Variants in FAM76A observed in about 807,000 individuals in gnomAD.
The protein encoded by FAM76A is family with sequence similarity 76 member A.
In FAM76A, 32 loss-of-function variants were observed where a neutral mutation model predicts 46.2. That is an observed-to-expected ratio of 0.69 (90% CI 0.52 to 0.93). The LOEUF (loss-of-function observed/expected upper bound fraction) is 0.93. Among genes scored for constraint, FAM76A ranks in the 40% least tolerant of loss-of-function variants. The pLI, the probability that FAM76A is intolerant of heterozygous loss-of-function variation, is 0.00. For missense variants in FAM76A, 274 were observed against 361.5 expected (o/e 0.76, Z 1.96); for synonymous variants, 137 against 127.0 (o/e 1.08, Z -0.53).
chr1:27,727,412 T>C, intron 1 of FAM76A, 60 bp from the exon 2 acceptor site: 1 of 1,441,316 alleles, frequency 6.9e-7, no homozygotes, highest in Non-Finnish European at 9.8e-7. Context: ...GTCGGCTTCC[T>C]ACTGAAGGCT....
chr1:27,749,463 G>A (rs11801094), intron 6 of FAM76A, among the ~76,000 whole-genome samples: 18,643 of 152,122 alleles, frequency 0.12, 2,797 homozygotes, highest in African/African-American at 0.35. Flanking sequence ...TGTCTCCTGG[G>A]TTCGAGCAAT....
At chr1:27,745,175 G>C (rs115708588) in intron 5 of FAM76A, among the ~76,000 whole-genome samples, 2,033 of 152,018 alleles carry the variant, frequency 0.013, 61 homozygotes, top group African/African-American at 0.047. Context: ...AGATGTCCTA[G>C]GTTTGTCCTG....
intron 7 of FAM76A, among the ~76,000 whole-genome samples, chr1:27,757,493 G>A (rs1295194621): frequency 1.3e-5 from 2 of 152,122 alleles, no homozygotes; most frequent in South Asian, 2.1e-4. Context: ...TCAGCCTCCC[G>A]AGTAGCTCGG....
rs1241895548 is a variant in FAM76A at position 27,755,268 on chromosome 1, G to A, written c.673G>A (p.Val225Met). 3 of 1,614,104 alleles carry A rather than the reference G, an allele frequency of 1.9e-6. No homozygotes were observed. The highest frequency in any genetic ancestry group is 2.5e-6 in the Non-Finnish European group (3 of 1,180,042). Residue 225 changes from valine (V) to methionine (M), a missense_variant, in exon 7 of 9, where the codon GTG becomes ATG. Transcript: ENST00000373954. ...CATCATTGCCCAACTGAAGGAAGAAGTGGCTACCCTGAAGAAGATGTTGCA... is the reference window on the plus strand; with the variant it reads ...CATCATTGCCCAACTGAAGGAAGAAATGGCTACCCTGAAGAAGATGTTGCA... The part of the protein sequence containing the change: ...FVIIAQLKEE[V>M]ATLKKMLHQK...
At chr1:27,727,984 AT>A (rs2087890164) in intron 2 of FAM76A, among the ~76,000 whole-genome samples, 1 of 151,256 alleles carries the variant, frequency 6.6e-6, no homozygotes, top group Non-Finnish European at 1.5e-5. Context: ...GTTTTTTTGT[AT>A]TTTTAGTAGA....
At position 27,732,633 on chromosome 1, in the gene FAM76A, T is replaced by C. The variant is rs776877860; in HGVS notation, c.177T>C (p.Ala59=). 1.2e-6 allele frequency: 2 copies of C among 1,609,744 alleles called. No homozygotes were observed. Among genetic ancestry groups the C allele is most frequent in the East Asian group, 2.2e-5 (1 of 44,840 alleles). The change falls in exon 3 of 9, where the codon GCT becomes GCC. Residue 59 remains alanine (A), a synonymous_variant. Coordinates refer to ENST00000373954, the MANE Select transcript of FAM76A (RefSeq NM_152660.3). ...SKTNTICKKC[A]QNVQLYGTPK... is the part of the protein sequence containing the mutation. ...CCAATACAATATGCAAGAAATGTGC[T>C]CAGAACGTGCAGTTGTATGGAACGG...
At chr1:27,755,081 G>C in intron 6 of FAM76A, 114 bp from the exon 7 acceptor site, 1 of 1,172,960 alleles carries the variant, frequency 8.5e-7, no homozygotes, top group South Asian at 1.4e-5. Flanking sequence ...TGTGCTTGAT[G>C]CTAGGATTCC....
intron 4 of FAM76A, among the ~76,000 whole-genome samples, chr1:27,742,883 A>T (rs1021733719): frequency 4.6e-5 from 7 of 151,722 alleles, no homozygotes; most frequent in African/African-American, 1.7e-4. Flanking sequence ...TCGTGGTGAA[A>T]CTCCGTCTCT....
intron 1 of FAM76A, 85 bp downstream of exon 1, chr1:27,726,246 G>A (rs2087856552): frequency 1.7e-6 from 2 of 1,153,966 alleles, no homozygotes; most frequent in Admixed American, 4.3e-5. Flanking sequence ...CGCCCGGCGG[G>A]GTCCCCGGAG....
At chr1:27,733,162 A>G (rs2087987927) in intron 3 of FAM76A, among the ~76,000 whole-genome samples, 1 of 151,922 alleles carries the variant, frequency 6.6e-6, no homozygotes, top group African/African-American at 2.4e-5. Flanking sequence ...GGACTCCTGA[A>G]CTCAAGTGAT....
chr1:27,733,382 A>T (rs549034979), intron 3 of FAM76A, among the ~76,000 whole-genome samples: 62 of 152,334 alleles, frequency 4.1e-4, no homozygotes, highest in African/African-American at 1.4e-3. Context: ...ATAATAGCAA[A>T]GAGGCCTTTT....
chr1:27,750,853 G>T (rs2088319328), intron 6 of FAM76A, among the ~76,000 whole-genome samples: 1 of 152,164 alleles, frequency 6.6e-6, no homozygotes, highest in Non-Finnish European at 1.5e-5. Context: ...GTCTTTCATG[G>T]TGTCCTCCAG....
intron 5 of FAM76A, among the ~76,000 whole-genome samples, chr1:27,746,588 G>A (rs1262995766): frequency 2.0e-5 from 3 of 151,804 alleles, no homozygotes; most frequent in African/African-American, 7.3e-5. Context: ...GTGGCCAGGT[G>A]TGGTGTTGCA....
At chr1:27,740,380 G>A (rs2088131052) in intron 4 of FAM76A, 1 of 1,259,166 alleles carries the variant, frequency 7.9e-7, no homozygotes, top group African/African-American at 1.5e-5. Flanking sequence ...GTGGAACCTG[G>A]GTTTGGAAGG....
intron 8 of FAM76A, chr1:27,759,886 C>T (rs2148589580): frequency 1.8e-6 from 1 of 542,982 alleles, no homozygotes; most frequent in African/African-American, 1.9e-5. Flanking sequence ...TCCCACCTCA[C>T]CCTTCCAAGT....
chr1:27,748,117 G>T (rs890878718), intron 5 of FAM76A, among the ~76,000 whole-genome samples: 6 of 142,504 alleles, frequency 4.2e-5, no homozygotes, highest in Admixed American at 4.2e-4. Flanking sequence ...AAATGTAAAA[G>T]AAGTTTTTTT....
chr1:27,758,946 G>A (rs2088460346), intron 7 of FAM76A, among the ~76,000 whole-genome samples: 1 of 152,014 alleles, frequency 6.6e-6, no homozygotes, highest in Non-Finnish European at 1.5e-5. Context: ...AATAATCTCT[G>A]TTATCTCACA....
At chr1:27,742,599 G>A (rs2088173383) in intron 4 of FAM76A, among the ~76,000 whole-genome samples, 1 of 152,154 alleles carries the variant, frequency 6.6e-6, no homozygotes. Context: ...ATAGGAGGGT[G>A]GGTTTGGGGA....
intron 7 of FAM76A, among the ~76,000 whole-genome samples, chr1:27,756,506 G>C (rs1266889156): frequency 6.6e-6 from 1 of 151,770 alleles, no homozygotes; most frequent in African/African-American, 2.4e-5. Flanking sequence ...GGACAGGCTG[G>C]TCTCGAACTC....
Sources: allele counts gnomAD v4.1 joint callset (sites outside exome capture counted in the v4.1 genomes callset), GRCh38; gene constraint gnomAD v4.1.1; transcripts MANE v1.5; gene names NCBI Gene and HGNC (gene_info 2026-07-23, HGNC 2026-07-21).